GOLGA8A: variants seen among roughly 807,000 people sequenced by gnomAD.
GOLGA8A encodes golgin subfamily A member 8A.
In GOLGA8A, 3 loss-of-function variants were observed where a neutral mutation model predicts 22.1. The observed-to-expected ratio is 0.14, with a 90% CI of 0.06 to 0.35. GOLGA8A has a LOEUF of 0.35. GOLGA8A is among the 10% of genes least tolerant of loss of function. The probability of loss-of-function intolerance (pLI) is 1.00; values close to 1 mark genes in which losing one functional copy is unlikely to be tolerated. For missense variants in GOLGA8A, 16 were observed against 233.2 expected, an observed-to-expected ratio of 0.07 and a Z score of 6.07; for synonymous variants, 7 against 91.7, an observed-to-expected ratio of 0.08 and a Z score of 5.28.
chr15:34,429,757 G>A (rs1237047861), intron 2 of GOLGA8A, among the ~76,000 whole-genome samples: 2 of 146,952 alleles, frequency 1.4e-5, no homozygotes, highest in Non-Finnish European at 3.0e-5. Context: ...CCAGGCAAAG[G>A]GACTCGGGGG....
chr15:34,431,767 T>A (rs11636997), intron 2 of GOLGA8A, among the ~76,000 whole-genome samples: 26,872 of 148,134 alleles, frequency 0.18, 4,534 homozygotes, highest in Admixed American at 0.25. Context: ...GGCTACATTT[T>A]AAAAAAATAT....
At chr15:34,433,228 G>T (rs58113298) in intron 2 of GOLGA8A, among the ~76,000 whole-genome samples, 3 of 148,888 alleles carry the variant, frequency 2.0e-5, no homozygotes, top group Non-Finnish European at 4.5e-5. Context: ...GAGTGGCTGA[G>T]AGCCCTGGGA....
intron 6 of GOLGA8A, 81 bp downstream of exon 6, chr15:34,400,631 G>T (rs1356166467): frequency 1.4e-5 from 2 of 141,154 alleles, no homozygotes; most frequent in Non-Finnish European, 1.6e-5. Flanking sequence ...TGTTTTTTTT[G>T]TTTTAGGCCT....
At chr15:34,423,609 C>A (rs955295750) in intron 2 of GOLGA8A, among the ~76,000 whole-genome samples, 2 of 148,854 alleles carry the variant, frequency 1.3e-5, no homozygotes, top group African/African-American at 2.5e-5. Flanking sequence ...ACTGCAAGGT[C>A]AACGCTAGAA....
In GOLGA8A at chr15:34,387,048, CT is replaced by C. The variant is rs767416204; in HGVS notation, c.169-308del. On this transcript the variant is annotated intron_variant, in intron 11 of 24. Transcript: ENST00000359187. ...CCATCAACTGGCAACATTTTCTTTT[CT>C]GCCTATCTTGGACCCTTTGTCCCAT... 2.8e-4 allele frequency: 338 copies of C among 1,211,728 alleles called. No homozygotes were observed. In the East Asian group the frequency reaches 8.5e-3, roughly 30 times the overall value. 75.1% of individuals were successfully genotyped at this position (1,211,728 alleles called of 1,614,324 possible).
intron 1 of GOLGA8A, 34 bp from the exon 2 acceptor site, chr15:34,435,505 T>A (rs1595674116): frequency 6.7e-6 from 1 of 149,210 alleles, no homozygotes; most frequent in East Asian, 2.0e-4. Flanking sequence ...AGTTTAGAGT[T>A]ACTTAAGAAG....
Position 34,430,007 on chromosome 15 carries a change from A to G in GOLGA8A, c.-1123+5376T>C, listed in dbSNP as rs773157553. On this transcript the variant is annotated intron_variant, in intron 2 of 24. Transcript: ENST00000359187. The stretch of plus-strand genomic sequence containing the variant: ...AATGCTGCCAGTCCAGGGGTCCCCC[A>G]CGGCAGCTCCCCAAATGAAACCAAG... Among the ~76,000 whole-genome samples, 3 of 147,696 alleles carry G rather than the reference A, an allele frequency of 2.0e-5. 1 individual carries two copies. Among genetic ancestry groups the G allele is most frequent in the Non-Finnish European group, 4.5e-5 (3 of 66,692 alleles).
rs1165385844 is a variant in GOLGA8A, at chr15:34,418,134, A to T, written c.-1122-10399T>A. 3 of 96,780 alleles carry T rather than the reference A, an allele frequency of 3.1e-5. 1 individual carries two copies. Among genetic ancestry groups the T allele is most frequent in the African/African-American group, 1.1e-4 (3 of 28,322 alleles). The allele number at this position is 96,780 out of a possible 1,614,324, so 6.0% of individuals were successfully genotyped here. ...TTGTAGTAACTGTAGATTCTTTAAA[A>T]AAAAAAAAAAAAAGGATTGCTTCAT... On this transcript the variant is annotated intron_variant, in intron 2 of 24. Transcript: ENST00000359187.
Position 34,427,360 on chromosome 15 carries a change from G to T in GOLGA8A, c.-1123+8023C>A, listed in dbSNP as rs939989906. Among the ~76,000 whole-genome samples the T allele has an allele frequency of 4.9e-5, 7 of 144,016 alleles. 2 individuals carry two copies. Among genetic ancestry groups the T allele is most frequent in the Non-Finnish European group, 1.1e-4 (7 of 65,886 alleles). 94.5% of individuals were successfully genotyped at this position (144,016 alleles called of 152,430 possible). On this transcript the variant is annotated intron_variant, in intron 2 of 24. Coordinates refer to ENST00000359187, the MANE Select transcript of GOLGA8A (RefSeq NM_181077.5). ...AAAAAAAAAAAAAAAAAATTCACCA[G>T]AAGTTCCCAAGGAATTTGCTTCCAC... is the stretch of plus-strand genomic sequence containing the variant.
chr15:34,435,654 A>C (rs1419214606), intron 1 of GOLGA8A, among the ~76,000 whole-genome samples, 183 bp from the exon 2 acceptor site: 1 of 148,608 alleles, frequency 6.7e-6, no homozygotes, highest in Non-Finnish European at 1.5e-5. Context: ...ACACACACTC[A>C]CACCCCGTGG....
At chr15:34,416,097 C>G (rs2140261354) in intron 2 of GOLGA8A, 1 of 151,460 alleles carries the variant, frequency 6.6e-6, no homozygotes, top group African/African-American at 2.4e-5. Flanking sequence ...AGTTTCATTT[C>G]TACCACATTC....
At chr15:34,429,545 T>C (rs571628070) in intron 2 of GOLGA8A, among the ~76,000 whole-genome samples, 1 of 148,934 alleles carries the variant, frequency 6.7e-6, no homozygotes, top group South Asian at 2.2e-4. Context: ...GGCTCTCACA[T>C]CTTCCAGACT....
chr15:34,387,224 C>CTG (rs1891783552), intron 11 of GOLGA8A: 1 of 277,770 alleles, frequency 3.6e-6, no homozygotes, highest in African/African-American at 6.8e-5. Flanking sequence ...CAGCAAAGAC[C>CTG]ATATCCTGGG....
At chr15:34,424,352 C>T (rs62014591) in intron 2 of GOLGA8A, among the ~76,000 whole-genome samples, 6,788 of 96,312 alleles carry the variant, frequency 0.07, 2 homozygotes, top group Admixed American at 0.12. Flanking sequence ...GTATCAAACA[C>T]CCCTCCACGA....
At chr15:34,417,757 G>C (rs1892631882) in intron 2 of GOLGA8A, 1 of 147,142 alleles carries the variant, frequency 6.8e-6, no homozygotes, top group South Asian at 2.3e-4. Flanking sequence ...GACTTGGGAA[G>C]CTTACATGTT....
At position 34,379,650 on chromosome 15, in the gene GOLGA8A, C is replaced by T. The variant is rs1326192752; in HGVS notation, c.*1761G>A. On this transcript the variant is annotated 3_prime_UTR_variant, in exon 25 of 25. Coordinates refer to ENST00000359187, the MANE Select transcript of GOLGA8A (RefSeq NM_181077.5). ...AAAAGGATCATGAGGCTGCCAAGTG[C>T]TAAAAATGGAGATGGTCTAGTAACT... 1.3e-5 allele frequency: 2 copies of T among 152,600 alleles called. No individual in the cohort carries two copies. Among genetic ancestry groups the T allele is most frequent in the Non-Finnish European group, 2.9e-5 (2 of 68,032 alleles). 9.5% of individuals were successfully genotyped at this position (152,600 alleles called of 1,614,324 possible).
At chr15:34,437,025 G>C (rs957101332) in intron 1 of GOLGA8A, among the ~76,000 whole-genome samples, 1 of 149,034 alleles carries the variant, frequency 6.7e-6, no homozygotes, top group African/African-American at 2.5e-5. Flanking sequence ...GAACGCACCA[G>C]CGGCCCGACC....
At chr15:34,416,013 CT>C (rs1389134124) in intron 2 of GOLGA8A, 1 of 139,270 alleles carries the variant, frequency 7.2e-6, no homozygotes, top group Non-Finnish European at 1.5e-5. Context: ...ATAGTCAGTT[CT>C]TCTTTTTGGC....
intron 2 of GOLGA8A, among the ~76,000 whole-genome samples, chr15:34,427,666 C>T (rs1387135936): frequency 6.7e-6 from 1 of 148,752 alleles, no homozygotes; most frequent in Non-Finnish European, 1.5e-5. Flanking sequence ...AGCCATCGGA[C>T]TCCCAGGCAC....
Sources: gnomAD v4.1 joint callset for allele counts (sites outside exome capture counted in the v4.1 genomes callset) on GRCh38, gnomAD v4.1.1 for gene constraint, MANE v1.5 for transcripts, NCBI Gene and HGNC (gene_info 2026-07-23, HGNC 2026-07-21) for gene names.